Variants in CFAP210 observed in about 807,000 individuals in gnomAD.
CFAP210 encodes the protein cilia and flagella associated protein 210, also known as cilia- and flagella- associated protein 210.
At chr2:169,694,314 G>A in the CFAP210 span, 27 of 1,614,054 alleles carry the variant, frequency 1.7e-5, no homozygotes, top group African/African-American at 4.0e-5. Flanking sequence ...CAGCATCTCT[G>A]ACGAGGTGTC....
chr2:169,654,307 CT>C, the CFAP210 span: 2 of 1,081,672 alleles, frequency 1.8e-6, no homozygotes, highest in Non-Finnish European at 2.6e-6. Flanking sequence ...ATGGTCACAG[CT>C]TCTGACCCAG....
At chr2:169,647,902 C>T in the CFAP210 span, among the ~76,000 whole-genome samples, 15,184 of 152,028 alleles carry the variant, frequency 0.1, 964 homozygotes, top group Middle Eastern at 0.19. Flanking sequence ...CATGCGTAGT[C>T]GTAGCACTTT....
At chr2:169,678,169 C>T in the CFAP210 span, among the ~76,000 whole-genome samples, 16 of 150,966 alleles carry the variant, frequency 1.1e-4, no homozygotes, top group African/African-American at 3.6e-4. Context: ...AAAGAAACCC[C>T]GTCTCTACTA....
chr2:169,664,951 T>C, the CFAP210 span, among the ~76,000 whole-genome samples: 1 of 152,220 alleles, frequency 6.6e-6, no homozygotes, highest in Non-Finnish European at 1.5e-5. Flanking sequence ...GGTTCAGATG[T>C]CCAGACTGAT....
chr2:169,648,914 C>T, the CFAP210 span, among the ~76,000 whole-genome samples: 1 of 152,164 alleles, frequency 6.6e-6, no homozygotes, highest in Non-Finnish European at 1.5e-5. Context: ...ACATTATGGC[C>T]TCCACATGCA....
At chr2:169,673,448 A>T in the CFAP210 span, among the ~76,000 whole-genome samples, 1 of 152,258 alleles carries the variant, frequency 6.6e-6, no homozygotes, top group Non-Finnish European at 1.5e-5. Context: ...TACACTGCCA[A>T]AGAAAAACAT....
At chr2:169,671,275 C>G in the CFAP210 span, among the ~76,000 whole-genome samples, 2 of 152,134 alleles carry the variant, frequency 1.3e-5, no homozygotes, top group Admixed American at 6.5e-5. Context: ...ACCTCTACAG[C>G]CCACTTTTAG....
the CFAP210 span, among the ~76,000 whole-genome samples, chr2:169,681,709 G>T: frequency 6.6e-6 from 1 of 152,190 alleles, no homozygotes; most frequent in African/African-American, 2.4e-5. Context: ...TATAGTCCCA[G>T]GGTGGGCCTA....
At chr2:169,646,324 T>C in the CFAP210 span, 1 of 633,636 alleles carries the variant, frequency 1.6e-6, no homozygotes, top group Non-Finnish European at 2.7e-6. Flanking sequence ...CTATATACTA[T>C]CATTTATTTC....
At chr2:169,658,721 T>C in the CFAP210 span, 3 of 322,122 alleles carry the variant, frequency 9.3e-6, no homozygotes, top group African/African-American at 2.2e-5. Flanking sequence ...CGAACTGTTA[T>C]TGCATCATGG....
At chr2:169,683,167 A>C in the CFAP210 span, among the ~76,000 whole-genome samples, 4 of 152,234 alleles carry the variant, frequency 2.6e-5, no homozygotes, top group Non-Finnish European at 5.9e-5. Context: ...CACAGGCACT[A>C]TCTTGCCTAC....
the CFAP210 span, among the ~76,000 whole-genome samples, chr2:169,685,645 G>A: frequency 6.6e-6 from 1 of 151,180 alleles, no homozygotes; most frequent in Admixed American, 6.6e-5. Context: ...TGGGTTGATT[G>A]TGCTTTTGGT....
chr2:169,656,800 C>T, the CFAP210 span, among the ~76,000 whole-genome samples: 1 of 151,668 alleles, frequency 6.6e-6, no homozygotes. Context: ...CCCATCTCTA[C>T]TAAAAACACA....
At chr2:169,661,092 G>A in the CFAP210 span, 1 of 549,138 alleles carries the variant, frequency 1.8e-6, no homozygotes. Context: ...TACTTGTCAA[G>A]GCTCCCTGAA....
the CFAP210 span, among the ~76,000 whole-genome samples, chr2:169,655,631 T>A: frequency 6.6e-6 from 1 of 152,094 alleles, no homozygotes; most frequent in Non-Finnish European, 1.5e-5. Flanking sequence ...TAACACAGAG[T>A]TAATTCTCAT....
At chr2:169,663,458 C>T in the CFAP210 span, among the ~76,000 whole-genome samples, 3 of 152,172 alleles carry the variant, frequency 2.0e-5, no homozygotes, top group African/African-American at 7.2e-5. Context: ...GCCTAAGCCT[C>T]CCAAAGTGTT....
chr2:169,674,442 G>T, the CFAP210 span: 1 of 690,078 alleles, frequency 1.4e-6, no homozygotes, highest in African/African-American at 1.9e-5. Flanking sequence ...AAGTGATAGC[G>T]ATTTTTAACC....
At chr2:169,687,271 C>T in the CFAP210 span, among the ~76,000 whole-genome samples, 1 of 152,150 alleles carries the variant, frequency 6.6e-6, no homozygotes, top group African/African-American at 2.4e-5. Context: ...ACCAATCATG[C>T]CTTCACAACA....
chr2:169,678,587 G>T, the CFAP210 span, among the ~76,000 whole-genome samples: 18 of 152,058 alleles, frequency 1.2e-4, no homozygotes, highest in African/African-American at 4.1e-4. Flanking sequence ...CACTTTGGGA[G>T]GCCAAGGCTG....
Sources: allele counts gnomAD v4.1 joint callset (sites outside exome capture counted in the v4.1 genomes callset), GRCh38; gene constraint gnomAD v4.1.1; transcripts MANE v1.5; gene names NCBI Gene and HGNC (gene_info 2026-07-23, HGNC 2026-07-21).